NDE1: variants seen among roughly 807,000 people sequenced by gnomAD.
The protein encoded by NDE1 is nudE neurodevelopment protein 1, also known as nuclear distribution protein nudE homolog 1.
Under a neutral mutation model 43.4 loss-of-function variants are expected in NDE1, and 28 were observed. The ratio of observed to expected loss-of-function variants is 0.65; its 90% CI spans 0.48 to 0.89. The LOEUF (loss-of-function observed/expected upper bound fraction) is 0.89, where lower values mean the gene tolerates loss of function less well. Ranked by LOEUF, NDE1 falls within the 40% of genes least tolerant of loss-of-function variation. The pLI is 0.00. For synonymous variants in NDE1, 184 were observed against 172.0 expected, an observed-to-expected ratio of 1.07 and a Z score of -0.55; for missense variants, 441 against 434.1, an observed-to-expected ratio of 1.02 and a Z score of -0.14.
Position 15,681,297 on chromosome 16 carries a change from G to A in NDE1, c.386+3348G>A, listed in dbSNP as rs550438200. Among the ~76,000 whole-genome samples the A allele has an allele frequency of 1.5e-4, 13 of 85,032 alleles. No homozygotes were observed. In the South Asian group the frequency reaches 3.3e-3, roughly 22 times the overall value. The allele number at this position is 85,032 out of a possible 152,430, so 55.8% of individuals were successfully genotyped here. On this transcript the variant is annotated intron_variant, in intron 4 of 8. Coordinates refer to ENST00000396354, the MANE Select transcript of NDE1 (RefSeq NM_017668.3). The stretch of plus-strand genomic sequence containing the variant: ...TTTTTTTTTTTTGAGACTGGGCCTC[G>A]CTCCATTGCCCAGAGTAGAGTGCCA...
intron 4 of NDE1, among the ~76,000 whole-genome samples, chr16:15,685,417 A>AT (rs919037042): frequency 2.6e-5 from 4 of 151,864 alleles, no homozygotes; most frequent in African/African-American, 7.3e-5. Context: ...TGCACGGCTA[A>AT]TTTTTTTACT....
intron 4 of NDE1, chr16:15,687,013 A>C (rs1275347802): frequency 2.0e-6 from 2 of 985,220 alleles, no homozygotes; most frequent in Non-Finnish European, 2.4e-6. Context: ...GGTTATTTTT[A>C]ATGCTGGTTG....
At chr16:15,702,113 TCA>T (rs1444987395) in intron 8 of NDE1, 1 of 152,228 alleles carries the variant, frequency 6.6e-6, no homozygotes, top group Non-Finnish European at 1.5e-5. Flanking sequence ...TAGCATCTGG[TCA>T]CAAGATGGAG....
At chr16:15,719,769 C>A in intron 8 of NDE1, 1 of 1,611,718 alleles carries the variant, frequency 6.2e-7, no homozygotes. Context: ...CCAAGTTCTG[C>A]TGCCCAGTTC....
intron 3 of NDE1, chr16:15,672,695 G>A (rs115808853): frequency 9.8e-5 from 15 of 152,342 alleles, no homozygotes; most frequent in African/African-American, 3.1e-4. Context: ...CACAGGTTCC[G>A]AGGAGATCTC....
In NDE1 at chr16:15,714,952, C is replaced by T. The variant is rs746561322; in HGVS notation, c.948-9239C>T. On this transcript the variant is annotated intron_variant, in intron 8 of 8. Transcript: ENST00000396354. Reference sequence around the variant, plus strand: ...GCGTTCACCTCGCGGCCCATGGCCTCGTTGCTCTCCGTGGCCTCATCCAGC... The same window carrying T: ...GCGTTCACCTCGCGGCCCATGGCCTTGTTGCTCTCCGTGGCCTCATCCAGC... 5 of 1,614,118 alleles carry T rather than the reference C, an allele frequency of 3.1e-6. No homozygotes were observed. The highest frequency in any genetic ancestry group is 2.2e-5 in the South Asian group (2 of 91,084).
At chr16:15,682,930 T>G (rs2038256559) in intron 4 of NDE1, among the ~76,000 whole-genome samples, 1 of 152,106 alleles carries the variant, frequency 6.6e-6, no homozygotes, top group African/African-American at 2.4e-5. Flanking sequence ...CTCACCATGG[T>G]CCTGACCTCA....
intron 4 of NDE1, among the ~76,000 whole-genome samples, chr16:15,682,226 C>T (rs2038219573): frequency 6.6e-6 from 1 of 152,210 alleles, no homozygotes; most frequent in African/African-American, 2.4e-5. Context: ...AGGTCTCTCT[C>T]TGTCGCCCCT....
At chr16:15,718,566 A>AT in intron 8 of NDE1, 1 of 1,343,562 alleles carries the variant, frequency 7.4e-7, no homozygotes, top group East Asian at 2.5e-5. Flanking sequence ...CTTGGAGAAG[A>AT]TTAGAAGACT....
At chr16:15,700,243 C>A (rs752232727) in intron 8 of NDE1, 4 of 318,540 alleles carry the variant, frequency 1.3e-5, no homozygotes, top group Non-Finnish European at 1.8e-5. Context: ...ATTACAGGCA[C>A]CCACCACCAC....
At chr16:15,711,168 C>T (rs1365787966) in intron 8 of NDE1, 4 of 152,294 alleles carry the variant, frequency 2.6e-5, no homozygotes, top group African/African-American at 7.2e-5. Context: ...CAGCTGCTCT[C>T]TTCCCCTTCT....
At chr16:15,671,976 C>T (rs1455477961) in intron 3 of NDE1, among the ~76,000 whole-genome samples, 1 of 152,076 alleles carries the variant, frequency 6.6e-6, no homozygotes, top group African/African-American at 2.4e-5. Flanking sequence ...GTGTGAGCCA[C>T]TGCGCCTGGC....
At chr16:15,720,807 C>T (rs921980128) in intron 8 of NDE1, 9 of 1,606,946 alleles carry the variant, frequency 5.6e-6, no homozygotes, top group Non-Finnish European at 6.0e-6. Flanking sequence ...GCCACCCGAC[C>T]TCCCTCTGCT....
intron 1 of NDE1, among the ~76,000 whole-genome samples, chr16:15,657,928 A>G (rs566610398): frequency 2.0e-5 from 3 of 152,292 alleles, no homozygotes; most frequent in Middle Eastern, 3.4e-3. Context: ...ACTTTGAGCA[A>G]GTAAGGTCGT....
intron 8 of NDE1, among the ~76,000 whole-genome samples, chr16:15,709,668 C>T (rs953923552): frequency 6.6e-6 from 1 of 152,140 alleles, no homozygotes; most frequent in African/African-American, 2.4e-5. Flanking sequence ...CTTTTAAGAA[C>T]CTCCTATAAA....
intron 4 of NDE1, among the ~76,000 whole-genome samples, chr16:15,678,228 C>T (rs893155006): frequency 2.6e-5 from 4 of 152,116 alleles, no homozygotes; most frequent in African/African-American, 9.7e-5. Context: ...CGAGCCTTAC[C>T]AGGGGAAATG....
rs781582515 is a variant in NDE1 at position 15,650,259 on chromosome 16, C to T, written c.-79C>T. On this transcript the variant is annotated 5_prime_UTR_variant, in exon 1 of 9. Transcript: ENST00000396354. ...CACCGCCCTTCGCAGCCGCCTCTGCCGCCGCCGCCGCGTTGGCCTCGCCGC... is the reference window on the plus strand; with the variant it reads ...CACCGCCCTTCGCAGCCGCCTCTGCTGCCGCCGCCGCGTTGGCCTCGCCGC... The T allele has an allele frequency of 4.8e-5, 14 of 291,566 alleles. No homozygotes were observed. The highest frequency in any genetic ancestry group is 3.0e-4 in the African/African-American group (13 of 43,822). 18.1% of individuals were successfully genotyped at this position (291,566 alleles called of 1,614,324 possible).
At chr16:15,676,175 A>C (rs1449168338) in intron 3 of NDE1, among the ~76,000 whole-genome samples, 18 of 93,430 alleles carry the variant, frequency 1.9e-4, no homozygotes, top group South Asian at 7.1e-4. Context: ...CCCCCATTTT[A>C]TCCCCTCCTT....
Position 15,714,822 on chromosome 16 carries a change from G to A in NDE1, c.948-9369G>A. The A allele has an allele frequency of 5.3e-6, 8 of 1,506,544 alleles. 1 individual carries two copies. Among genetic ancestry groups the A allele is most frequent in the South Asian group, 3.4e-5 (3 of 88,944 alleles). 93.3% of individuals were successfully genotyped at this position (1,506,544 alleles called of 1,614,324 possible). A position where few individuals can be genotyped will look rare whatever the true frequency, so the allele number is the denominator to read the frequency against. On this transcript the variant is annotated intron_variant, in intron 8 of 8. Transcript: ENST00000396354. ...GGGAGTGGCGGCTGTGGGCACAAGG[G>A]GCATTTGCAGGCCGAAAGGAGCCCG...
Sources: gnomAD v4.1 joint callset for allele counts (sites outside exome capture counted in the v4.1 genomes callset) on GRCh38, gnomAD v4.1.1 for gene constraint, MANE v1.5 for transcripts, NCBI Gene and HGNC (gene_info 2026-07-23, HGNC 2026-07-21) for gene names.